Variants in TRAPPC4 observed in about 807,000 individuals in gnomAD.
TRAPPC4 encodes the protein trafficking protein particle complex subunit 4, also known as TRS23 homolog.
A neutral mutation model predicts 23.5 loss-of-function variants in TRAPPC4; 30 were observed. That is an observed-to-expected ratio of 1.28 (90% CI 0.96 to 1.73). The LOEUF (loss-of-function observed/expected upper bound fraction) is 1.73. TRAPPC4 is among the 40% of genes most tolerant of loss of function. The probability of loss-of-function intolerance (pLI) is 0.00; values close to 1 mark genes in which losing one functional copy is unlikely to be tolerated. For synonymous variants in TRAPPC4, 129 were observed against 105.3 expected, an observed-to-expected ratio of 1.23 and a Z score of -1.38; for missense variants, 252 against 268.9, an observed-to-expected ratio of 0.94 and a Z score of 0.44.
intron 4 of TRAPPC4, 96 bp downstream of exon 4, chr11:119,021,982 T>G: frequency 6.8e-7 from 1 of 1,471,800 alleles, no homozygotes; most frequent in South Asian, 1.3e-5. Context: ...GAGTATTACT[T>G]TTTTTGTTTG....
At position 119,023,354 on chromosome 11, in the gene TRAPPC4, T is replaced by C; in HGVS notation, c.615T>C (p.Ala205=). The C allele has an allele frequency of 6.2e-7, 1 of 1,614,078 alleles. No individual in the cohort carries two copies. Among genetic ancestry groups the C allele is most frequent in the Non-Finnish European group, 8.5e-7 (1 of 1,179,984 alleles). The change falls in exon 5 of 5, where the codon GCT becomes GCC. Residue 205 remains alanine (A), a synonymous_variant. Transcript: ENST00000533632. ...TCTTTGACCAGAACCTGAAGCTAGC[T>C]CTGGAGGTGGCAGAGAAGGCTGGAA... ...CELFDQNLKL[A]LEVAEKAGTF...
Position 119,019,042 on chromosome 11 carries a change from T to A in TRAPPC4, c.175+72T>A, listed in dbSNP as rs782312763. On this transcript the variant is annotated intron_variant, in intron 1 of 4. Transcript: ENST00000533632. ...CAGTGCTGTAGAAGTGGGCTGGTTG[T>A]AGGTGCGGGGTTGGGGGAAAAGGGG... 4 of 1,589,152 alleles carry A rather than the reference T, an allele frequency of 2.5e-6. No homozygotes were observed. The South Asian group carries it at 4.5e-5, about 18-fold the overall frequency.
At chr11:119,019,671 C>A (rs541864749) in intron 2 of TRAPPC4, 1 of 234,624 alleles carries the variant, frequency 4.3e-6, no homozygotes, top group South Asian at 5.0e-5. Flanking sequence ...AAACTCCTGA[C>A]CTCAGGTGAT....
intron 3 of TRAPPC4, 52 bp from the exon 4 acceptor site, chr11:119,021,708 A>G: frequency 1.9e-6 from 3 of 1,602,760 alleles, no homozygotes; most frequent in Admixed American, 1.7e-5. Flanking sequence ...ACAGGATGAC[A>G]CTATTTGCTC....
At position 119,023,492 on chromosome 11, in the gene TRAPPC4, G is replaced by C; in HGVS notation, c.*93G>C. 8.0e-7 allele frequency: 1 copy of C among 1,246,142 alleles called. No homozygotes were observed. Among genetic ancestry groups the C allele is most frequent in the Non-Finnish European group, 1.2e-6 (1 of 851,254 alleles). The allele number at this position is 1,246,142 out of a possible 1,614,324, so 77.2% of individuals were successfully genotyped here. A position where few individuals can be genotyped will look rare whatever the true frequency, so the allele number is the denominator to read the frequency against. On this transcript the variant is annotated 3_prime_UTR_variant, in exon 5 of 5. Coordinates refer to ENST00000533632, the MANE Select transcript of TRAPPC4 (RefSeq NM_016146.6). ...AGTGGAAATCCCAGCAGCCTTGTTA[G>C]TGCACTTGAAAGTGGGAGAATGCTG...
chr11:119,023,226 T>G, intron 4 of TRAPPC4, 95 bp from the exon 5 acceptor site: 3 of 1,179,480 alleles, frequency 2.5e-6, no homozygotes, highest in Non-Finnish European at 3.8e-6. Context: ...CAGCCTTCCA[T>G]GATATATGTT....
Position 119,019,331 on chromosome 11 carries a change from C to T in TRAPPC4, c.350+14C>T. 1.9e-6 allele frequency: 3 copies of T among 1,603,374 alleles called. No homozygotes were observed. The highest frequency in any genetic ancestry group is 2.6e-6 in the Non-Finnish European group (3 of 1,172,150). ...CATGTTCCACTCGTAAGTCCCCCGT[C>T]TCCTGAACGGCAGCGCTTGTAATTT... On this transcript the variant is annotated intron_variant, in intron 2 of 4. Transcript: ENST00000533632.
rs781985427 is a variant in TRAPPC4, at chr11:119,023,706, T to C, written c.*307T>C. The C allele has an allele frequency of 1.8e-4, 39 of 212,286 alleles. No homozygotes were observed. Among genetic ancestry groups the C allele is most frequent in the Middle Eastern group, 1.7e-3 (1 of 606 alleles). 13.2% of individuals were successfully genotyped at this position (212,286 alleles called of 1,614,324 possible). A position where few individuals can be genotyped will look rare whatever the true frequency, so the allele number is the denominator to read the frequency against. On this transcript the variant is annotated 3_prime_UTR_variant, in exon 5 of 5. Coordinates refer to ENST00000533632, the MANE Select transcript of TRAPPC4 (RefSeq NM_016146.6). Reference sequence around the variant, plus strand: ...TTAATCGATGGTTTTGGGGGAAAGATACAGGAAGTGAGTCAAAAATGGTTA... The same window carrying C: ...TTAATCGATGGTTTTGGGGGAAAGACACAGGAAGTGAGTCAAAAATGGTTA...
chr11:119,020,020 C>G (rs1162067537), intron 2 of TRAPPC4, 130 bp from the exon 3 acceptor site: 2 of 558,744 alleles, frequency 3.6e-6, no homozygotes, highest in Non-Finnish European at 6.4e-6. Context: ...GACACTACTG[C>G]CAGTCAGTTC....
At chr11:119,019,470 G>T in intron 2 of TRAPPC4, 153 bp downstream of exon 2, 1 of 815,552 alleles carries the variant, frequency 1.2e-6, no homozygotes, top group Non-Finnish European at 1.9e-6. Context: ...GTGGGGAGGG[G>T]CCGCGGAGTT....
intron 4 of TRAPPC4, chr11:119,022,878 T>C (rs1943408729): frequency 6.5e-6 from 1 of 153,048 alleles, no homozygotes; most frequent in Admixed American, 6.5e-5. Context: ...CCAGCCTGGG[T>C]GACTATTTAG....
chr11:119,021,791 G>C lies in TRAPPC4; in HGVS notation c.486G>C (p.Arg162Ser). The change falls in exon 4 of 5, where the codon AGG (arginine) becomes AGC (serine). Residue 162 changes from arginine to serine, a missense_variant. By Grantham distance (110) the Arg-to-Ser change is moderately radical (BLOSUM62 -1). Around this residue, in one of 3 missense-constraint regions of TRAPPC4, gnomAD observed 222 missense variants for 217.8 expected, o/e 1.02. Transcript: ENST00000533632. ...GIKFVVLADP[R>S]QAGIDSLLRK... ...AGTTTGTGGTTCTAGCAGATCCTAG[G>C]CAAGCTGGAATAGATTCTCTTCTCC... 6.2e-7 allele frequency: 1 copy of C among 1,614,122 alleles called. No homozygotes were observed. The highest frequency in any genetic ancestry group is 8.5e-7 in the Non-Finnish European group (1 of 1,180,012).
intron 1 of TRAPPC4, 48 bp downstream of exon 1, chr11:119,019,018 A>G: frequency 6.3e-7 from 1 of 1,597,392 alleles, no homozygotes; most frequent in Non-Finnish European, 8.5e-7. Flanking sequence ...GGAGGGCCCC[A>G]GTGCTGTAGA....
chr11:119,020,244 A>G lies in TRAPPC4; in HGVS notation c.445A>G (p.Thr149Ala). Residue 149 changes from threonine to alanine, a missense_variant, in exon 3 of 5, where the codon ACA becomes GCA. Around this residue, in one of 3 missense-constraint regions of TRAPPC4, gnomAD observed 222 missense variants for 217.8 expected, o/e 1.02. Coordinates refer to ENST00000533632, the MANE Select transcript of TRAPPC4 (RefSeq NM_016146.6). The stretch of plus-strand genomic sequence containing the variant: ...CACATTCAAATTGCACTGCTACCAG[A>G]CACTGACAGGTATGCATCTCCACGG... Reference protein sequence around the residue: ...TDTFKLHCYQTLTGIKFVVLA... With the variant: ...TDTFKLHCYQALTGIKFVVLA... The G allele has an allele frequency of 6.2e-7, 1 of 1,611,624 alleles. No homozygotes were observed. The highest frequency in any genetic ancestry group is 8.5e-7 in the Non-Finnish European group (1 of 1,178,400).
intron 2 of TRAPPC4, chr11:119,019,930 C>T: frequency 2.1e-6 from 1 of 467,168 alleles, no homozygotes; most frequent in Non-Finnish European, 3.9e-6. Context: ...TCATTTTACC[C>T]AAAGTTTTAG....
intron 2 of TRAPPC4, 189 bp from the exon 3 acceptor site, chr11:119,019,961 A>G: frequency 1.9e-6 from 1 of 519,056 alleles, no homozygotes; most frequent in Non-Finnish European, 3.4e-6. Flanking sequence ...TCTTGTAACA[A>G]AGTATGAATG....
chr11:119,019,900 G>A (rs1411635952), intron 2 of TRAPPC4: 5 of 372,988 alleles, frequency 1.3e-5, no homozygotes, highest in African/African-American at 4.1e-5. Context: ...TAGTAAGCGT[G>A]GCACATATTC....
intron 4 of TRAPPC4, among the ~76,000 whole-genome samples, chr11:119,022,470 G>A (rs1010783182): frequency 6.6e-6 from 1 of 151,640 alleles, no homozygotes; most frequent in Non-Finnish European, 1.5e-5. Context: ...CACCTGTAGT[G>A]CCAGCTATTA....
chr11:119,019,497 A>T (rs1038351706), intron 2 of TRAPPC4, 180 bp downstream of exon 2: 3 of 643,830 alleles, frequency 4.7e-6, no homozygotes, highest in Admixed American at 6.1e-5. Flanking sequence ...GCTGGAGCGC[A>T]GTGGCGGGAT....
Sources: allele counts gnomAD v4.1 joint callset (sites outside exome capture counted in the v4.1 genomes callset), GRCh38; gene constraint gnomAD v4.1.1; regional missense constraint gnomAD v4.1.1; transcripts MANE v1.5; gene names NCBI Gene and HGNC (gene_info 2026-07-23, HGNC 2026-07-21).